RHBDL3: variants seen among roughly 807,000 people sequenced by gnomAD.
The protein encoded by RHBDL3 is rhomboid like 3.
A neutral mutation model predicts 48.2 loss-of-function variants in RHBDL3; 28 were observed. The observed-to-expected ratio is 0.58, with a 90% confidence interval of 0.43 to 0.80. The LOEUF (loss-of-function observed/expected upper bound fraction) is 0.80. RHBDL3 is among the 30% of genes least tolerant of loss of function. The pLI, the probability that RHBDL3 is intolerant of heterozygous loss-of-function variation, is 0.00. For synonymous variants in RHBDL3, 208 were observed against 232.3 expected (o/e 0.90, Z 0.95); for missense variants, 464 against 542.7 (o/e 0.85, Z 1.44).
chr17:32,289,111 G>A, intron 4 of RHBDL3, 95 bp downstream of exon 4: 2 of 949,940 alleles, frequency 2.1e-6, no homozygotes, highest in Non-Finnish European at 3.3e-6. Context: ...CATGGGGGAA[G>A]AGGGACATTT....
At chr17:32,304,305 G>A (rs2040657409) in intron 6 of RHBDL3, among the ~76,000 whole-genome samples, 1 of 152,212 alleles carries the variant, frequency 6.6e-6, no homozygotes, top group Non-Finnish European at 1.5e-5. Flanking sequence ...TGGAGGAAGG[G>A]TGGACGTAAC....
intron 4 of RHBDL3, among the ~76,000 whole-genome samples, chr17:32,291,295 TGCACTCCAGCCTGGGCGACAGA>T (rs1182319088): frequency 6.9e-6 from 1 of 145,746 alleles, no homozygotes; most frequent in African/African-American, 2.6e-5. Flanking sequence ...ATCGTGCCAC[TGCACTCCAGCCTGGGCGACAGA>T]GCAAGACTCC....
intron 2 of RHBDL3, among the ~76,000 whole-genome samples, chr17:32,274,776 C>T (rs1049051395): frequency 6.6e-6 from 1 of 151,862 alleles, no homozygotes; most frequent in Non-Finnish European, 1.5e-5. Context: ...GGACCTTTTG[C>T]GGCAGTCGCA....
chr17:32,269,005 G>A (rs115573189), intron 2 of RHBDL3, among the ~76,000 whole-genome samples: 174 of 152,268 alleles, frequency 1.1e-3, no homozygotes, highest in African/African-American at 4.0e-3. Context: ...GACCGTAGGT[G>A]AGGGGAACCA....
At chr17:32,298,817 G>T (rs554132473) in intron 6 of RHBDL3, among the ~76,000 whole-genome samples, 1 of 152,230 alleles carries the variant, frequency 6.6e-6, no homozygotes, top group Non-Finnish European at 1.5e-5. Flanking sequence ...CCATCTGAAG[G>T]CATCTGGGCC....
chr17:32,283,582 C>A (rs1319938813), intron 2 of RHBDL3, among the ~76,000 whole-genome samples: 1 of 152,030 alleles, frequency 6.6e-6, no homozygotes, highest in Non-Finnish European at 1.5e-5. Context: ...CTTGGCCTCC[C>A]AAAGTGCTGG....
At chr17:32,276,937 G>T (rs1014770600) in intron 2 of RHBDL3, among the ~76,000 whole-genome samples, 1 of 142,420 alleles carries the variant, frequency 7.0e-6, no homozygotes. Context: ...ACCTTACTCC[G>T]GCCCTAGCAC....
intron 4 of RHBDL3, among the ~76,000 whole-genome samples, chr17:32,293,514 G>A (rs555426058): frequency 3.3e-5 from 5 of 151,680 alleles, no homozygotes; most frequent in South Asian, 4.2e-4. Flanking sequence ...CCCGGGAGGC[G>A]GAGGTTGCAG....
intron 2 of RHBDL3, among the ~76,000 whole-genome samples, chr17:32,278,724 G>A (rs2039972644): frequency 6.6e-6 from 1 of 152,144 alleles, no homozygotes; most frequent in South Asian, 2.1e-4. Flanking sequence ...CCTGTAAAAT[G>A]GAGCTCACAA....
chr17:32,287,861 T>G (rs2150713673), intron 3 of RHBDL3, among the ~76,000 whole-genome samples: 1 of 152,166 alleles, frequency 6.6e-6, no homozygotes, highest in East Asian at 1.9e-4. Flanking sequence ...GGAAGGCAGG[T>G]GGGAGGTAAC....
At position 32,298,191 on chromosome 17, in the gene RHBDL3, C is replaced by T. The variant is rs201038477; in HGVS notation, c.768C>T (p.Ala256=). 1.1e-4 allele frequency: 175 copies of T among 1,612,336 alleles called. No homozygotes were observed. The highest frequency in any genetic ancestry group is 6.7e-4 in the East Asian group (30 of 44,838). The change falls in exon 6 of 9, where the codon GCC becomes GCT. Residue 256 remains alanine, a synonymous_variant. Coordinates refer to ENST00000269051, the MANE Select transcript of RHBDL3 (RefSeq NM_138328.3). ...CCCGAATTGGGCTTGTCTACGTGGC[C>T]GGTGTTGTGGCAGGTAGGCAGGTAG... is the stretch of plus-strand genomic sequence containing the variant. ...GATRIGLVYV[A]GVVAGSLAVS... is the part of the protein sequence containing the mutation.
chr17:32,297,271 C>T (rs937765451), intron 5 of RHBDL3, among the ~76,000 whole-genome samples: 1 of 152,100 alleles, frequency 6.6e-6, no homozygotes, highest in Non-Finnish European at 1.5e-5. Context: ...AGTTCGAGAC[C>T]AGCCTGCCTA....
chr17:32,272,857 C>T (rs766495191), intron 2 of RHBDL3, among the ~76,000 whole-genome samples: 1 of 152,190 alleles, frequency 6.6e-6, no homozygotes. Context: ...TTAAAATATC[C>T]TCTCCAAGAG....
chr17:32,268,130 C>T (rs1031440817), intron 2 of RHBDL3, among the ~76,000 whole-genome samples: 2 of 152,170 alleles, frequency 1.3e-5, no homozygotes, highest in Non-Finnish European at 2.9e-5. Flanking sequence ...GGATCTCCCT[C>T]CTGCCTCCTC....
intron 8 of RHBDL3, among the ~76,000 whole-genome samples, chr17:32,319,421 CAAAA>C (rs541383037): frequency 1.1e-4 from 9 of 79,828 alleles, no homozygotes; most frequent in East Asian, 4.6e-4. Flanking sequence ...GATTCCGTCT[CAAAA>C]AAAAAAAAAA....
At chr17:32,299,426 C>T (rs997955735) in intron 6 of RHBDL3, among the ~76,000 whole-genome samples, 2 of 152,166 alleles carry the variant, frequency 1.3e-5, no homozygotes, top group African/African-American at 4.8e-5. Flanking sequence ...CAAGGCTCAC[C>T]ACGTCCTTGA....
intron 1 of RHBDL3, 119 bp downstream of exon 1, chr17:32,266,419 A>C (rs1166759490): frequency 1.0e-5 from 5 of 482,546 alleles, no homozygotes; most frequent in African/African-American, 2.1e-5. Context: ...AGCGCCCCGG[A>C]TTGGCCGGGT....
At chr17:32,273,884 T>C (rs2039833506) in intron 2 of RHBDL3, among the ~76,000 whole-genome samples, 1 of 152,116 alleles carries the variant, frequency 6.6e-6, no homozygotes, top group South Asian at 2.1e-4. Context: ...TACAGGCGTG[T>C]GCAATCACAC....
At chr17:32,278,719 A>G (rs904881323) in intron 2 of RHBDL3, among the ~76,000 whole-genome samples, 1 of 152,182 alleles carries the variant, frequency 6.6e-6, no homozygotes, top group African/African-American at 2.4e-5. Flanking sequence ...CCTCTCCTGT[A>G]AAATGGAGCT....
Sources: gnomAD v4.1 joint callset for allele counts (sites outside exome capture counted in the v4.1 genomes callset) on GRCh38, gnomAD v4.1.1 for gene constraint, MANE v1.5 for transcripts, NCBI Gene and HGNC (gene_info 2026-07-23, HGNC 2026-07-21) for gene names.